PMFBP1: variants seen among roughly 807,000 people sequenced by gnomAD.
PMFBP1 encodes polyamine modulated factor 1 binding protein 1.
In PMFBP1, 131 loss-of-function variants were observed where a neutral mutation model predicts 137.8. The ratio of observed to expected loss-of-function variants is 0.95; its 90% CI spans 0.82 to 1.10. The LOEUF is 1.10. PMFBP1 is among the 50% of genes least tolerant of loss of function. The pLI, the probability that PMFBP1 is intolerant of heterozygous loss-of-function variation, is 0.00. For synonymous variants in PMFBP1, 490 were observed against 450.4 expected (o/e 1.09, Z -1.11); for missense variants, 1,199 against 1,175.4 (o/e 1.02, Z -0.29).
At chr16:72,174,289 C>T (rs1267527986), upstream of PMFBP1, among the ~76,000 whole-genome samples, 1 of 152,224 alleles carries the variant, frequency 6.6e-6, no homozygotes, top group Non-Finnish European at 1.5e-5. Context: ...GCCCCATTTT[C>T]ACCAAATGGC....
At chr16:72,241,565 G>C in the PMFBP1 span, among the ~76,000 whole-genome samples, 2 of 152,242 alleles carry the variant, frequency 1.3e-5, no homozygotes, top group Middle Eastern at 3.4e-3. Flanking sequence ...TGTTTACCGA[G>C]GGTTTCCAGT....
At chr16:72,169,609 G>A (rs966655596) in intron 2 of PMFBP1, among the ~76,000 whole-genome samples, 2 of 151,630 alleles carry the variant, frequency 1.3e-5, no homozygotes, top group Admixed American at 1.3e-4. Context: ...ATGTATCCCA[G>A]AACTTAAAGT....
At chr16:72,163,069 A>T (rs1023534446) in intron 3 of PMFBP1, among the ~76,000 whole-genome samples, 8 of 152,216 alleles carry the variant, frequency 5.3e-5, no homozygotes, top group Non-Finnish European at 1.2e-4. Flanking sequence ...ACTCTAATAG[A>T]TGCAATGAAA....
intron 2 of PMFBP1, 46 bp downstream of exon 2, chr16:72,171,151 T>C (rs1441909819): frequency 6.3e-7 from 1 of 1,597,376 alleles, no homozygotes; most frequent in Admixed American, 1.7e-5. Context: ...AAGTCCCTTG[T>C]AATGAATATT....
the PMFBP1 span, chr16:72,224,720 C>T: frequency 6.6e-6 from 1 of 152,278 alleles, no homozygotes; most frequent in Non-Finnish European, 1.5e-5. Context: ...AAGTAATTTG[C>T]TTTTAGAGTT....
In PMFBP1 at chr16:72,150,714, C is replaced by T. The variant is rs773219253; in HGVS notation, c.530G>A (p.Ser177Asn). The change falls in exon 5 of 21, where the codon AGC becomes AAC. Residue 177 changes from serine (S) to asparagine (N), a missense_variant. By Grantham distance (46) the Ser-to-Asn change is conservative. Transcript: ENST00000237353. ...GTATTTATCCCTGTAGAGGTTTAAG[C>T]TCCTCTCTAGAGAGGCGATCTTGTC... ...AGDKIASLERSLNLYRDKYQS... is the reference protein window; with the variant it reads ...AGDKIASLERNLNLYRDKYQS... The T allele has an allele frequency of 4.3e-6, 7 of 1,614,190 alleles. No individual in the cohort carries two copies. The highest frequency in any genetic ancestry group is 5.9e-6 in the Non-Finnish European group (7 of 1,180,026).
the PMFBP1 span, among the ~76,000 whole-genome samples, chr16:72,189,215 AG>A: frequency 6.6e-6 from 1 of 152,190 alleles, no homozygotes; most frequent in African/African-American, 2.4e-5. Context: ...TAAGGCACAG[AG>A]AGGTTAAGTA....
At chr16:72,130,788 T>G in intron 10 of PMFBP1, 66 bp from the exon 11 acceptor site, 2 of 1,442,570 alleles carry the variant, frequency 1.4e-6, no homozygotes, top group Non-Finnish European at 1.8e-6. Flanking sequence ...CTTATCAGCC[T>G]GGCTGAAGAG....
intron 9 of PMFBP1, among the ~76,000 whole-genome samples, chr16:72,134,071 A>G (rs2042588863): frequency 6.6e-6 from 1 of 152,180 alleles, no homozygotes; most frequent in Admixed American, 6.5e-5. Flanking sequence ...ACCCCAATCA[A>G]GAGGTCAAAT....
chr16:72,225,811 G>A, the PMFBP1 span, among the ~76,000 whole-genome samples: 2 of 151,302 alleles, frequency 1.3e-5, no homozygotes, highest in Non-Finnish European at 2.9e-5. Context: ...ATAGCCCATA[G>A]ATGCTAGGTG....
At chr16:72,237,130 C>A in the PMFBP1 span, among the ~76,000 whole-genome samples, 1 of 152,222 alleles carries the variant, frequency 6.6e-6, no homozygotes, top group East Asian at 1.9e-4. Context: ...AATACTCCCG[C>A]TTAGAAGGAG....
chr16:72,131,196 G>A (rs2042544493), intron 10 of PMFBP1, among the ~76,000 whole-genome samples: 1 of 152,138 alleles, frequency 6.6e-6, no homozygotes, highest in Non-Finnish European at 1.5e-5. Context: ...CCAGGGGCGG[G>A]GATTGTTAGA....
At chr16:72,224,817 C>T in the PMFBP1 span, 3 of 152,204 alleles carry the variant, frequency 2.0e-5, no homozygotes, top group Non-Finnish European at 4.4e-5. Flanking sequence ...CAATTGGTTG[C>T]AATACGTGCA....
At chr16:72,209,907 G>A in the PMFBP1 span, among the ~76,000 whole-genome samples, 10 of 152,344 alleles carry the variant, frequency 6.6e-5, no homozygotes, top group African/African-American at 2.4e-4. Context: ...TCTCTGGGAA[G>A]GTCACATCCT....
At chr16:72,244,924 C>G in the PMFBP1 span, among the ~76,000 whole-genome samples, 1 of 152,150 alleles carries the variant, frequency 6.6e-6, no homozygotes, top group Non-Finnish European at 1.5e-5. Context: ...GGTTAGGGAG[C>G]AAGGGGCCCC....
chr16:72,214,884 T>C, the PMFBP1 span, among the ~76,000 whole-genome samples: 1 of 151,742 alleles, frequency 6.6e-6, no homozygotes. Context: ...ATGAAAGGAA[T>C]GGAAAACTTA....
intron 9 of PMFBP1, among the ~76,000 whole-genome samples, chr16:72,133,316 T>C (rs1441218289): frequency 6.6e-6 from 1 of 152,034 alleles, no homozygotes; most frequent in African/African-American, 2.4e-5. Flanking sequence ...GTAGTTGGGA[T>C]TACAGGTGTC....
chr16:72,214,911 T>C, the PMFBP1 span, among the ~76,000 whole-genome samples: 3 of 151,888 alleles, frequency 2.0e-5, no homozygotes, highest in Non-Finnish European at 4.4e-5. Context: ...GATTAGGGCA[T>C]CATAAAAAAG....
At chr16:72,161,427 A>G (rs1314664346) in intron 3 of PMFBP1, among the ~76,000 whole-genome samples, 1 of 152,094 alleles carries the variant, frequency 6.6e-6, no homozygotes. Context: ...TCTTCTACAA[A>G]TTGCATGTCT....
Sources: gnomAD v4.1 joint callset for allele counts (sites outside exome capture counted in the v4.1 genomes callset) on GRCh38, gnomAD v4.1.1 for gene constraint, MANE v1.5 for transcripts, NCBI Gene and HGNC (gene_info 2026-07-23, HGNC 2026-07-21) for gene names.